MDGA2: variants seen among roughly 807,000 people sequenced by gnomAD.
MDGA2 encodes MAM domain-containing glycosylphosphatidylinositol anchor protein 2.
In MDGA2, 40 loss-of-function variants were observed where a neutral mutation model predicts 117.8. The observed-to-expected ratio is 0.34, with a 90% confidence interval of 0.26 to 0.44. The LOEUF (loss-of-function observed/expected upper bound fraction) is 0.44. MDGA2 is among the 20% of genes least tolerant of loss of function. The pLI is 1.00. For synonymous variants in MDGA2, 452 were observed against 439.0 expected (o/e 1.03, Z -0.37); for missense variants, 1,123 against 1,250.6 (o/e 0.90, Z 1.54).
intron 15 of MDGA2, among the ~76,000 whole-genome samples, chr14:46,848,485 CA>C (rs1412731950): frequency 6.6e-6 from 1 of 151,920 alleles, no homozygotes; most frequent in African/African-American, 2.4e-5. Flanking sequence ...AGTTTAATTA[CA>C]ATGATCCTGC....
At chr14:47,049,539 T>A (rs1889380869) in intron 7 of MDGA2, among the ~76,000 whole-genome samples, 1 of 152,066 alleles carries the variant, frequency 6.6e-6, no homozygotes, top group Non-Finnish European at 1.5e-5. Context: ...TCTGAATATT[T>A]TTTTATAATT....
chr14:47,093,133 G>A (rs1230484805), intron 6 of MDGA2, among the ~76,000 whole-genome samples: 1 of 151,976 alleles, frequency 6.6e-6, no homozygotes, highest in African/African-American at 2.4e-5. Context: ...AGCCACCTGT[G>A]CTCCATCTCC....
intron 1 of MDGA2, among the ~76,000 whole-genome samples, chr14:47,414,358 A>C (rs2138492651): frequency 6.6e-6 from 1 of 152,320 alleles, no homozygotes; most frequent in South Asian, 2.1e-4. Flanking sequence ...GTATGAGATA[A>C]CAAATGACCA....
At chr14:47,302,743 A>G (rs2139816414) in intron 1 of MDGA2, among the ~76,000 whole-genome samples, 1 of 152,322 alleles carries the variant, frequency 6.6e-6, no homozygotes, top group African/African-American at 2.4e-5. Flanking sequence ...TGAAAGTAAA[A>G]TAGAATAGTT....
intron 7 of MDGA2, among the ~76,000 whole-genome samples, chr14:47,051,381 G>A (rs61992835): frequency 3.3e-5 from 5 of 151,852 alleles, no homozygotes; most frequent in Admixed American, 6.6e-5. Context: ...ATTAAGAATA[G>A]ATATTTAGAA....
At chr14:47,354,351 C>G (rs890735590) in intron 1 of MDGA2, among the ~76,000 whole-genome samples, 3 of 152,100 alleles carry the variant, frequency 2.0e-5, no homozygotes, top group African/African-American at 7.2e-5. Flanking sequence ...ACATTGAGTT[C>G]TTGTTGTTTC....
chr14:46,938,812 G>A (rs186655020), intron 9 of MDGA2, among the ~76,000 whole-genome samples: 204 of 152,088 alleles, frequency 1.3e-3, no homozygotes, highest in Non-Finnish European at 2.2e-3. Context: ...ACTTACACTC[G>A]CATATTTATT....
intron 7 of MDGA2, among the ~76,000 whole-genome samples, chr14:47,039,310 C>T (rs1304135154): frequency 6.6e-6 from 1 of 152,192 alleles, no homozygotes; most frequent in Non-Finnish European, 1.5e-5. Flanking sequence ...CAGATTCCAT[C>T]TATTAATTGA....
At chr14:47,011,671 G>A (rs761167095) in intron 8 of MDGA2, among the ~76,000 whole-genome samples, 68 of 151,906 alleles carry the variant, frequency 4.5e-4, no homozygotes, top group Non-Finnish European at 8.4e-4. Context: ...ACTGTTAAAT[G>A]CATATTTGTA....
At chr14:47,083,343 G>A (rs1338251432) in intron 6 of MDGA2, among the ~76,000 whole-genome samples, 1 of 151,732 alleles carries the variant, frequency 6.6e-6, no homozygotes, top group Non-Finnish European at 1.5e-5. Context: ...AGGGGGGTGG[G>A]GTGGAAGGTG....
intron 2 of MDGA2, among the ~76,000 whole-genome samples, chr14:47,249,450 T>C (rs1468362789): frequency 2.6e-5 from 4 of 152,108 alleles, no homozygotes; most frequent in African/African-American, 9.7e-5. Flanking sequence ...GCCTCCTGAA[T>C]AGCTGAGACT....
chr14:47,093,065 T>C (rs1174392144), intron 6 of MDGA2, among the ~76,000 whole-genome samples: 1 of 151,806 alleles, frequency 6.6e-6, no homozygotes, highest in South Asian at 2.1e-4. Flanking sequence ...TCAGAACCTA[T>C]CTATCAGGCT....
At chr14:47,024,202 ATGAT>A (rs1348115204) in intron 8 of MDGA2, among the ~76,000 whole-genome samples, 7 of 152,296 alleles carry the variant, frequency 4.6e-5, no homozygotes, top group East Asian at 3.9e-4. Flanking sequence ...CTGTGATTGA[ATGAT>A]TGATTGTAAC....
intron 9 of MDGA2, among the ~76,000 whole-genome samples, chr14:46,939,475 C>T (rs938511683): frequency 2.0e-5 from 3 of 152,124 alleles, no homozygotes; most frequent in African/African-American, 4.8e-5. Context: ...TGTAAACCTG[C>T]TTCCAGTGTT....
intron 5 of MDGA2, among the ~76,000 whole-genome samples, chr14:47,122,290 C>T (rs1881692452): frequency 6.6e-6 from 1 of 151,966 alleles, no homozygotes; most frequent in Admixed American, 6.6e-5. Flanking sequence ...AATAATGCTT[C>T]TTTAGGTAGA....
At chr14:47,510,698 T>C (rs913963324) in intron 1 of MDGA2, among the ~76,000 whole-genome samples, 12 of 152,250 alleles carry the variant, frequency 7.9e-5, no homozygotes, top group African/African-American at 2.7e-4. Context: ...TGATTTTCCA[T>C]TGTGATTACA....
At chr14:46,894,826 C>A (rs1308310913) in intron 10 of MDGA2, among the ~76,000 whole-genome samples, 1 of 152,154 alleles carries the variant, frequency 6.6e-6, no homozygotes, top group Non-Finnish European at 1.5e-5. Flanking sequence ...TCTTTAGCAG[C>A]TTCTGATAAA....
At chr14:47,550,556 G>A (rs1019653672) in intron 1 of MDGA2, among the ~76,000 whole-genome samples, 1 of 152,106 alleles carries the variant, frequency 6.6e-6, no homozygotes, top group Non-Finnish European at 1.5e-5. Flanking sequence ...CCTATCAGTA[G>A]AGTAGATGAT....
intron 6 of MDGA2, among the ~76,000 whole-genome samples, chr14:47,089,652 T>A (rs749898124): frequency 6.6e-6 from 1 of 152,108 alleles, no homozygotes; most frequent in Non-Finnish European, 1.5e-5. Context: ...GTGCACAACC[T>A]GCAGGTTTGT....
Sources: gnomAD v4.1 joint callset for allele counts (sites outside exome capture counted in the v4.1 genomes callset) on GRCh38, gnomAD v4.1.1 for gene constraint, MANE v1.5 for transcripts, NCBI Gene and HGNC (gene_info 2026-07-23, HGNC 2026-07-21) for gene names.